ADAMTS18: variants seen among roughly 807,000 people sequenced by gnomAD.
The protein encoded by ADAMTS18 is A disintegrin and metalloproteinase with thrombospondin motifs 18.
In ADAMTS18, 157 loss-of-function variants were observed where a neutral mutation model predicts 165.9. The ratio of observed to expected loss-of-function variants is 0.95; its 90% CI spans 0.83 to 1.08. The LOEUF (loss-of-function observed/expected upper bound fraction) is 1.08, where lower values mean the gene tolerates loss of function less well. ADAMTS18 is among the 50% of genes least tolerant of loss of function. The pLI, the probability that ADAMTS18 is intolerant of heterozygous loss-of-function variation, is 0.00. For synonymous variants in ADAMTS18, 782 were observed against 578.2 expected, an observed-to-expected ratio of 1.35 and a Z score of -5.06; for missense variants, 2,040 against 1,534.0, an observed-to-expected ratio of 1.33 and a Z score of -5.51.
In ADAMTS18 at chr16:77,321,041, G is replaced by T. The variant is rs369845142; in HGVS notation, c.2287+38C>A. 6 of 1,613,650 alleles carry T rather than the reference G, an allele frequency of 3.7e-6. No individual in the cohort carries two copies. The African/African-American group carries it at 6.7e-5, about 18-fold the overall frequency. ...TCAAACTTGTTTGGTAGCAAAAGTT[G>T]TATCTCATTAACAATAACAAACAGC... On this transcript the variant is annotated intron_variant, in intron 15 of 22. Coordinates refer to ENST00000282849, the MANE Select transcript of ADAMTS18 (RefSeq NM_199355.4).
chr16:77,387,154 T>C (rs274540), intron 3 of ADAMTS18, among the ~76,000 whole-genome samples: 136,589 of 152,188 alleles, frequency 0.9, 61,451 homozygotes, highest in East Asian at 0.99. Flanking sequence ...ATAAATGGAA[T>C]GTATGCAGTG....
At chr16:77,316,601 C>G (rs1038773547) in intron 16 of ADAMTS18, among the ~76,000 whole-genome samples, 1 of 152,146 alleles carries the variant, frequency 6.6e-6, no homozygotes, top group African/African-American at 2.4e-5. Flanking sequence ...ACTTTCTTTT[C>G]TGACTACACT....
intron 16 of ADAMTS18, among the ~76,000 whole-genome samples, chr16:77,313,415 C>T (rs2055821259): frequency 6.6e-6 from 1 of 150,976 alleles, no homozygotes; most frequent in African/African-American, 2.4e-5. Context: ...GTACATTGTG[C>T]ACATGTGCCC....
intron 3 of ADAMTS18, among the ~76,000 whole-genome samples, chr16:77,423,033 T>G (rs2144852061): frequency 6.6e-6 from 1 of 152,308 alleles, no homozygotes; most frequent in East Asian, 1.9e-4. Flanking sequence ...TTATTAAACT[T>G]GAATCCCTAG....
chr16:77,395,341 T>C (rs540234445), intron 3 of ADAMTS18, among the ~76,000 whole-genome samples: 2 of 152,194 alleles, frequency 1.3e-5, no homozygotes, highest in East Asian at 3.9e-4. Flanking sequence ...AGGACTCTGT[T>C]ACTTGGCTTT....
intron 10 of ADAMTS18, among the ~76,000 whole-genome samples, chr16:77,343,320 C>T (rs1378591185): frequency 1.3e-5 from 2 of 152,152 alleles, no homozygotes; most frequent in Admixed American, 6.5e-5. Flanking sequence ...GTGATCTGCC[C>T]GCCTTGGCCT....
In ADAMTS18 at chr16:77,356,076, A is replaced by C. The variant is rs1262533715; in HGVS notation, c.1324T>G (p.Phe442Val). 5.6e-6 allele frequency: 9 copies of C among 1,613,968 alleles called. No individual in the cohort carries two copies. Among genetic ancestry groups the C allele is most frequent in the African/African-American group, 4.0e-5 (3 of 74,944 alleles). The change falls in exon 9 of 23, where the codon TTT becomes GTT. Residue 442 changes from phenylalanine to valine, a missense_variant and splice_region_variant. Transcript: ENST00000282849. ...CCTTCTCCATCGTGAATCATACCAA[A>C]GCTGAAACAGAATGAAGAAAACAAA... The part of the protein sequence containing the change: ...FTIAHESGHN[F>V]GMIHDGEGNP...
intron 16 of ADAMTS18, among the ~76,000 whole-genome samples, chr16:77,312,484 C>G (rs539724059): frequency 1.3e-5 from 2 of 152,114 alleles, no homozygotes; most frequent in Non-Finnish European, 1.5e-5. Flanking sequence ...GTGATCTACC[C>G]GCCTTGGCCT....
At chr16:77,298,652 C>T (rs889120772) in intron 17 of ADAMTS18, among the ~76,000 whole-genome samples, 2 of 152,082 alleles carry the variant, frequency 1.3e-5, no homozygotes, top group African/African-American at 2.4e-5. Flanking sequence ...ACGGGCCAGG[C>T]ATAGTGGCAG....
In ADAMTS18 at chr16:77,328,470, G is replaced by A. The variant is rs972499657; in HGVS notation, c.1860-2432C>T. ...TTATCCCATCCTCCTATAACTGCACGCTAAAATGGATTCAACAGAAACGGG... is the reference window on the plus strand; with the variant it reads ...TTATCCCATCCTCCTATAACTGCACACTAAAATGGATTCAACAGAAACGGG... On this transcript the variant is annotated intron_variant, in intron 12 of 22. Coordinates refer to ENST00000282849, the MANE Select transcript of ADAMTS18 (RefSeq NM_199355.4). 2.0e-5 allele frequency among the ~76,000 whole-genome samples: 3 copies of A among 152,120 alleles called. No individual in the cohort carries two copies. The East Asian group carries it at 5.8e-4, about 29-fold the overall frequency.
chr16:77,418,400 G>C (rs1017037784), intron 3 of ADAMTS18, among the ~76,000 whole-genome samples: 4 of 152,156 alleles, frequency 2.6e-5, no homozygotes, highest in East Asian at 1.9e-4. Context: ...AAAGATACTA[G>C]GCTATGTCTG....
intron 3 of ADAMTS18, among the ~76,000 whole-genome samples, chr16:77,430,145 CAACA>C (rs1404034966): frequency 7.6e-6 from 1 of 131,624 alleles, no homozygotes; most frequent in Non-Finnish European, 1.7e-5. Context: ...AGATGTGCCA[CAACA>C]AAACAAACAA....
chr16:77,417,261 G>C (rs899713003), intron 3 of ADAMTS18, among the ~76,000 whole-genome samples: 1 of 152,110 alleles, frequency 6.6e-6, no homozygotes, highest in South Asian at 2.1e-4. Flanking sequence ...TGGGAGGATA[G>C]GTGGGTGGGT....
At chr16:77,336,148 T>A (rs902437711) in intron 11 of ADAMTS18, among the ~76,000 whole-genome samples, 1 of 152,208 alleles carries the variant, frequency 6.6e-6, no homozygotes, top group Non-Finnish European at 1.5e-5. Context: ...CTGAGTATGA[T>A]AGGCTTTGTG....
chr16:77,423,628 T>G (rs926259435), intron 3 of ADAMTS18, among the ~76,000 whole-genome samples: 4 of 152,160 alleles, frequency 2.6e-5, no homozygotes, highest in Non-Finnish European at 4.4e-5. Flanking sequence ...AGACAAGAGA[T>G]GGAACTTCAG....
At chr16:77,325,275 A>G (rs533723815) in intron 13 of ADAMTS18, among the ~76,000 whole-genome samples, 1 of 152,118 alleles carries the variant, frequency 6.6e-6, no homozygotes, top group East Asian at 1.9e-4. Flanking sequence ...ACTACATTAA[A>G]CTCTTCTGCT....
chr16:77,392,062 GAAC>G (rs948669122), intron 3 of ADAMTS18, among the ~76,000 whole-genome samples: 4 of 152,138 alleles, frequency 2.6e-5, no homozygotes, highest in Middle Eastern at 3.4e-3. Flanking sequence ...CAGAAAAATC[GAAC>G]AACACCAAGA....
intron 10 of ADAMTS18, among the ~76,000 whole-genome samples, chr16:77,346,673 T>C (rs1038414677): frequency 6.6e-6 from 1 of 152,210 alleles, no homozygotes; most frequent in Admixed American, 6.5e-5. Flanking sequence ...GTTAAGTCTC[T>C]AGTTGGCCTG....
chr16:77,395,413 C>T (rs1165662884), intron 3 of ADAMTS18, among the ~76,000 whole-genome samples: 1 of 152,188 alleles, frequency 6.6e-6, no homozygotes, highest in Admixed American at 6.5e-5. Context: ...ATACTTCTTC[C>T]TCCTACAGAG....
Sources: gnomAD v4.1 joint callset for allele counts (sites outside exome capture counted in the v4.1 genomes callset) on GRCh38, gnomAD v4.1.1 for gene constraint, MANE v1.5 for transcripts, NCBI Gene and HGNC (gene_info 2026-07-23, HGNC 2026-07-21) for gene names.